The following KLRG1 variants were observed in gnomAD, a reference collection of about 807,000 sequenced individuals.
The protein encoded by KLRG1 is killer cell lectin-like receptor subfamily G member 1.
In KLRG1, 16 loss-of-function variants were observed where a neutral mutation model predicts 21.8. That is an observed-to-expected ratio of 0.73 (90% CI 0.50 to 1.11). The LOEUF (loss-of-function observed/expected upper bound fraction) is 1.11. KLRG1 is among the 50% of genes most tolerant of loss of function. The pLI, the probability that KLRG1 is intolerant of heterozygous loss-of-function variation, is 0.00. For missense variants in KLRG1, 173 were observed against 218.3 expected, an observed-to-expected ratio of 0.79 and a Z score of 1.31; for synonymous variants, 69 against 75.9, an observed-to-expected ratio of 0.91 and a Z score of 0.47.
the KLRG1 span, among the ~76,000 whole-genome samples, chr12:9,149,406 T>TA: frequency 4.6e-5 from 7 of 152,224 alleles, no homozygotes; most frequent in African/African-American, 7.2e-5. Flanking sequence ...CGCTACAGAA[T>TA]AGGCATGCTA....
the KLRG1 span, among the ~76,000 whole-genome samples, chr12:9,041,025 A>C: frequency 1.4e-4 from 22 of 152,334 alleles, no homozygotes; most frequent in South Asian, 1.0e-3. Context: ...GTATCTTCCA[A>C]CAGACATGCC....
At chr12:9,052,920 C>A in the KLRG1 span, 3 of 418,682 alleles carry the variant, frequency 7.2e-6, no homozygotes, top group African/African-American at 2.1e-5. Flanking sequence ...ACCCTTCTAT[C>A]TCTTTTGTGC....
chr12:9,196,518 G>C, the KLRG1 span: 1 of 1,568,036 alleles, frequency 6.4e-7, no homozygotes, highest in Non-Finnish European at 8.8e-7. Context: ...CCTTTATTTT[G>C]TTATGGAAAG....
At chr12:9,168,056 C>T in the KLRG1 span, among the ~76,000 whole-genome samples, 3 of 152,142 alleles carry the variant, frequency 2.0e-5, no homozygotes, top group African/African-American at 7.2e-5. Context: ...GGATATTAAT[C>T]TTAAATGCCA....
chr12:9,080,050 T>G, the KLRG1 span: 1 of 1,249,564 alleles, frequency 8.0e-7, no homozygotes, highest in Non-Finnish European at 1.1e-6. Flanking sequence ...AATAGTATAA[T>G]AGAAGCTGTT....
At chr12:9,106,694 G>T in the KLRG1 span, 1 of 614,250 alleles carries the variant, frequency 1.6e-6, no homozygotes, top group Non-Finnish European at 2.8e-6. Context: ...TTTTTGTGGG[G>T]GGACAACATC....
the KLRG1 span, among the ~76,000 whole-genome samples, chr12:9,087,157 A>T: frequency 6.6e-6 from 1 of 152,302 alleles, no homozygotes; most frequent in South Asian, 2.1e-4. Flanking sequence ...TACAATGTTC[A>T]TGGATTGGAA....
At chr12:8,974,260 C>T (rs369472086) in intron 1 of KLRG1, among the ~76,000 whole-genome samples, 19 of 152,062 alleles carry the variant, frequency 1.2e-4, no homozygotes, top group East Asian at 9.7e-4. Flanking sequence ...CTCCGCCTCC[C>T]GGGTTCATGC....
At chr12:9,158,364 C>G in the KLRG1 span, 47 of 1,598,414 alleles carry the variant, frequency 2.9e-5, no homozygotes, top group East Asian at 8.1e-4. Flanking sequence ...TCCCTTCACC[C>G]CTGGGGGATG....
intron 1 of KLRG1, among the ~76,000 whole-genome samples, chr12:8,983,745 T>C (rs1303253799): frequency 6.6e-6 from 1 of 152,150 alleles, no homozygotes; most frequent in Non-Finnish European, 1.5e-5. Context: ...TTTCTCCTTT[T>C]TTGTTTCTGT....
chr12:9,071,772 C>G, the KLRG1 span, among the ~76,000 whole-genome samples: 3 of 152,184 alleles, frequency 2.0e-5, no homozygotes, highest in African/African-American at 7.2e-5. Context: ...AGGTCATGAT[C>G]TCATTCTTTT....
At chr12:9,040,449 G>T in the KLRG1 span, among the ~76,000 whole-genome samples, 1 of 152,152 alleles carries the variant, frequency 6.6e-6, no homozygotes, top group African/African-American at 2.4e-5. Context: ...CTATAAGAAG[G>T]ACACTTTCAT....
At chr12:9,202,348 C>A in the KLRG1 span, 2 of 1,614,000 alleles carry the variant, frequency 1.2e-6, no homozygotes, top group African/African-American at 2.7e-5. Context: ...AAATTTTCAT[C>A]CACGGAGACA....
chr12:9,082,100 A>AT, the KLRG1 span, among the ~76,000 whole-genome samples: 1 of 152,294 alleles, frequency 6.6e-6, no homozygotes, highest in East Asian at 1.9e-4. Context: ...TAGGGGTTAA[A>AT]TATGCTTGAC....
the KLRG1 span, chr12:9,036,805 T>C: frequency 4.8e-6 from 2 of 417,722 alleles, no homozygotes; most frequent in South Asian, 2.1e-5. Flanking sequence ...GCTTCAGCTG[T>C]CTTTGGTTAC....
At chr12:8,980,661 T>C (rs370011409) in intron 1 of KLRG1, among the ~76,000 whole-genome samples, 3 of 152,196 alleles carry the variant, frequency 2.0e-5, no homozygotes, top group South Asian at 2.1e-4. Flanking sequence ...ACACATGCAA[T>C]GCTGGGCTTG....
the KLRG1 span, among the ~76,000 whole-genome samples, chr12:9,191,171 T>C: frequency 6.6e-6 from 1 of 152,128 alleles, no homozygotes; most frequent in Non-Finnish European, 1.5e-5. Context: ...CTTCCTGTTA[T>C]GAATAAAATT....
At chr12:8,962,108 G>C (rs1287411715) in intron 1 of KLRG1, among the ~76,000 whole-genome samples, 1 of 151,694 alleles carries the variant, frequency 6.6e-6, no homozygotes, top group Non-Finnish European at 1.5e-5. Flanking sequence ...CTAAGAAGGA[G>C]GTAAATGTGA....
intron 1 of KLRG1, among the ~76,000 whole-genome samples, chr12:8,953,047 A>C (rs1592229606): frequency 2.7e-5 from 4 of 146,274 alleles, no homozygotes; most frequent in African/African-American, 1.0e-4. Flanking sequence ...AGCTAGTGAC[A>C]CCCCCCCCCC....
Sources: gnomAD v4.1 joint callset for allele counts (sites outside exome capture counted in the v4.1 genomes callset) on GRCh38, gnomAD v4.1.1 for gene constraint, MANE v1.5 for transcripts, NCBI Gene and HGNC (gene_info 2026-07-23, HGNC 2026-07-21) for gene names.